Variants in NAV1 observed in about 807,000 individuals in gnomAD.
NAV1 encodes pore membrane and/or filament interacting like protein 3.
A neutral mutation model predicts 175.2 loss-of-function variants in NAV1; 18 were observed. The ratio of observed to expected loss-of-function variants is 0.10; its 90% CI spans 0.07 to 0.15. The LOEUF (loss-of-function observed/expected upper bound fraction) is 0.15. NAV1 is among the 10% of genes least tolerant of loss of function. The pLI is 1.00. For missense variants in NAV1, 1,731 were observed against 2,436.6 expected (o/e 0.71, Z 6.10); for synonymous variants, 897 against 978.7 (o/e 0.92, Z 1.56).
At chr1:201,657,286 A>G (rs1669442519) in intron 1 of NAV1, among the ~76,000 whole-genome samples, 1 of 152,010 alleles carries the variant, frequency 6.6e-6, no homozygotes, top group Non-Finnish European at 1.5e-5. Flanking sequence ...TCACTACCTT[A>G]TTTTCCAGGA....
At chr1:201,607,751 C>A (rs1297941758) in intron 2 of NAV1, among the ~76,000 whole-genome samples, 1 of 152,192 alleles carries the variant, frequency 6.6e-6, no homozygotes, top group Admixed American at 6.5e-5. Context: ...CTCGGCCTCC[C>A]AAAGTGCTGG....
chr1:201,701,851 A>G (rs539112055), intron 1 of NAV1, among the ~76,000 whole-genome samples: 1 of 152,380 alleles, frequency 6.6e-6, no homozygotes, highest in East Asian at 1.9e-4. Context: ...CTATAAAATT[A>G]CCATGGGACC....
chr1:201,718,858 C>CATCATGCGACGCCTTAAAAG lies in NAV1; in HGVS notation c.1226+103_1226+104insATCATGCGACGCCTTAAAAG. The CATCATGCGACGCCTTAAAAG allele has an allele frequency of 7.1e-7, 1 of 1,415,092 alleles. No homozygotes were observed. Among genetic ancestry groups the CATCATGCGACGCCTTAAAAG allele is most frequent in the Non-Finnish European group, 9.7e-7 (1 of 1,034,934 alleles). The allele number at this position is 1,415,092 out of a possible 1,614,324, so 87.7% of individuals were successfully genotyped here. On this transcript the variant is annotated intron_variant, in intron 3 of 29. Transcript: ENST00000367296. The surrounding 1 kb of genome is among the most constrained non-coding windows in gnomAD (Gnocchi z 4.8). ...GGAACCCAAAACGGGTTTTGGTTTG[C>CATCATGCGACGCCTTAAAAG]TGTGCTGCTATGAAAGTACACAAAA... is the stretch of plus-strand genomic sequence containing the variant.
chr1:201,776,299 G>T (rs1023589246), intron 3 of NAV1, among the ~76,000 whole-genome samples: 3 of 116,446 alleles, frequency 2.6e-5, no homozygotes, highest in African/African-American at 1.0e-4. Context: ...GATCACTTGA[G>T]ACCAGCCTGG....
At position 201,756,856 on chromosome 1, in the gene NAV1, CTT is replaced by C. The variant is rs1459844606; in HGVS notation, c.1227-23563_1227-23562del. Among the ~76,000 whole-genome samples the C allele has an allele frequency of 3.0e-4, 36 of 119,442 alleles. 1 individual carries two copies. The highest frequency in any genetic ancestry group is 6.6e-4 in the African/African-American group (18 of 27,304). The allele number at this position is 119,442 out of a possible 152,430, so 78.4% of individuals were successfully genotyped here. A position where few individuals can be genotyped will look rare whatever the true frequency, so the allele number is the denominator to read the frequency against. On this transcript the variant is annotated intron_variant, in intron 3 of 29. Coordinates refer to ENST00000367296, the Ensembl canonical transcript of NAV1. Reference sequence around the variant, plus strand: ...TCTTTCTTTCTTTCTTTCTTTCTTTCTTTCTTTCTTTCTTTCTTTCTTTCTTT... The same window carrying C: ...TCTTTCTTTCTTTCTTTCTTTCTTTCTCTTTCTTTCTTTCTTTCTTTCTTT...
chr1:201,584,696 C>T (rs1429439385), intron 1 of NAV1, among the ~76,000 whole-genome samples: 1 of 152,214 alleles, frequency 6.6e-6, no homozygotes, highest in Non-Finnish European at 1.5e-5. Flanking sequence ...CCATAAGAAA[C>T]CGCCCAGAGC....
intron 3 of NAV1, among the ~76,000 whole-genome samples, chr1:201,728,063 T>A (rs1672682532): frequency 6.6e-6 from 1 of 152,164 alleles, no homozygotes; most frequent in Non-Finnish European, 1.5e-5. Context: ...GAGGAAGGTG[T>A]GGAGTTAGAT....
At chr1:201,641,466 G>A (rs973140210) in intron 2 of NAV1, among the ~76,000 whole-genome samples, 1 of 152,192 alleles carries the variant, frequency 6.6e-6, no homozygotes, top group Non-Finnish European at 1.5e-5. Flanking sequence ...AAAGCTTTGG[G>A]TTGCTTAAGA....
chr1:201,794,255 G>A (rs942546272), intron 14 of NAV1: 32 of 637,648 alleles, frequency 5.0e-5, no homozygotes, highest in Middle Eastern at 5.0e-4. Context: ...AGGTTCAAGC[G>A]ATTCTCCTGC....
At chr1:201,567,865 T>C (rs1056413235) in intron 1 of NAV1, among the ~76,000 whole-genome samples, 2 of 151,804 alleles carry the variant, frequency 1.3e-5, no homozygotes, top group Non-Finnish European at 2.9e-5. Flanking sequence ...TGCCTGCACA[T>C]CGAGAATGTC....
chr1:201,662,386 C>G (rs1669647577), intron 1 of NAV1, among the ~76,000 whole-genome samples: 1 of 152,220 alleles, frequency 6.6e-6, no homozygotes, highest in South Asian at 2.1e-4. Flanking sequence ...CTTTAGGTCC[C>G]AAAGGGCCAG....
intron 1 of NAV1, among the ~76,000 whole-genome samples, chr1:201,661,151 T>C (rs1485939988): frequency 6.6e-6 from 1 of 152,226 alleles, no homozygotes; most frequent in Non-Finnish European, 1.5e-5. Context: ...CGCTAGACTC[T>C]ACTGCCTCTT....
intron 1 of NAV1, among the ~76,000 whole-genome samples, chr1:201,554,444 T>C (rs1208060116): frequency 6.6e-6 from 1 of 152,162 alleles, no homozygotes; most frequent in African/African-American, 2.4e-5. Flanking sequence ...TGGGACCAAC[T>C]AATGGCTTGG....
chr1:201,748,465 C>T (rs1338903037), intron 3 of NAV1, among the ~76,000 whole-genome samples: 1 of 151,626 alleles, frequency 6.6e-6, no homozygotes, highest in Non-Finnish European at 1.5e-5. Flanking sequence ...AGGGAACCTA[C>T]CAGCCTCCAC....
At chr1:201,664,091 A>G (rs766711279) in intron 1 of NAV1, among the ~76,000 whole-genome samples, 27 of 152,304 alleles carry the variant, frequency 1.8e-4, no homozygotes, top group Non-Finnish European at 1.9e-4. Context: ...GGCCAAATGC[A>G]CAAGCTATGG....
At chr1:201,753,681 C>T (rs1055188373) in intron 3 of NAV1, among the ~76,000 whole-genome samples, 8 of 152,134 alleles carry the variant, frequency 5.3e-5, no homozygotes. Context: ...AGAGGTCAAA[C>T]GATTTTACAC....
chr1:201,736,664 C>A (rs1214644459), intron 3 of NAV1, among the ~76,000 whole-genome samples: 2 of 152,178 alleles, frequency 1.3e-5, no homozygotes, highest in Non-Finnish European at 2.9e-5. Context: ...TTGGACATTT[C>A]CTGGACTTTC....
chr1:201,745,127 T>C lies in NAV1; in HGVS notation c.1226+26372T>C, dbSNP rs920193970. ...CTCAGCCTAACTTTCTTGGGATGCT[T>C]CAGGAATTTCCTAGAAATGCTCAAT... On this transcript the variant is annotated intron_variant, in intron 3 of 29. Coordinates refer to ENST00000367296, the Ensembl canonical transcript of NAV1. Among the ~76,000 whole-genome samples the C allele has an allele frequency of 4.6e-5, 7 of 152,202 alleles. No individual in the cohort carries two copies. In the East Asian group the frequency reaches 5.8e-4, roughly 13 times the overall value.
chr1:201,779,857 C>T (rs1320496385), intron 3 of NAV1, among the ~76,000 whole-genome samples: 2 of 152,122 alleles, frequency 1.3e-5, no homozygotes, highest in East Asian at 3.9e-4. Context: ...ATTTGGTTCA[C>T]TTAACAGAAG....
Sources: gnomAD v4.1 joint callset for allele counts (sites outside exome capture counted in the v4.1 genomes callset) on GRCh38, gnomAD v4.1.1 for gene constraint, Gnocchi (gnomAD v3.1) non-coding constraint, MANE v1.5 for transcripts, NCBI Gene and HGNC (gene_info 2026-07-23, HGNC 2026-07-21) for gene names.